The following CCDC7 variants were observed in gnomAD, a reference collection of about 807,000 sequenced individuals.
The protein encoded by CCDC7 is coiled-coil domain containing 7.
Under a neutral mutation model 196.9 loss-of-function variants are expected in CCDC7, and 183 were observed. The ratio of observed to expected loss-of-function variants is 0.93; its 90% confidence interval spans 0.82 to 1.05. The LOEUF (loss-of-function observed/expected upper bound fraction) is 1.05. CCDC7 is among the 50% of genes least tolerant of loss of function. The pLI, the probability that CCDC7 is intolerant of heterozygous loss-of-function variation, is 0.00. For missense variants in CCDC7, 1,540 were observed against 1,482.2 expected, an observed-to-expected ratio of 1.04 and a Z score of -0.64; for synonymous variants, 525 against 484.6, an observed-to-expected ratio of 1.08 and a Z score of -1.10.
At chr10:32,620,861 A>G (rs11818482) in intron 18 of CCDC7, among the ~76,000 whole-genome samples, 8,056 of 152,220 alleles carry the variant, frequency 0.053, 708 homozygotes, top group African/African-American at 0.18. Context: ...AGGATACTGT[A>G]TTCCTTCACG....
At chr10:32,492,048 A>G (rs369892465) in intron 9 of CCDC7, 51 bp downstream of exon 10, 2 of 1,476,064 alleles carry the variant, frequency 1.4e-6, no homozygotes, top group African/African-American at 1.5e-5. Context: ...TTAAAAAAAG[A>G]CAGATAAAAT....
At chr10:32,600,010 A>G (rs975092913) in intron 18 of CCDC7, among the ~76,000 whole-genome samples, 5 of 151,964 alleles carry the variant, frequency 3.3e-5, no homozygotes, top group African/African-American at 9.7e-5. Context: ...TGGTCTATCT[A>G]CTTTTATGCC....
intron 20 of CCDC7, among the ~76,000 whole-genome samples, chr10:32,647,313 C>T (rs1397964266): frequency 6.6e-6 from 1 of 152,100 alleles, no homozygotes; most frequent in Non-Finnish European, 1.5e-5. Flanking sequence ...TTGAGACCAG[C>T]CTGGCCAACA....
At chr10:32,707,894 G>A (rs1249325696) in intron 24 of CCDC7, among the ~76,000 whole-genome samples, 1 of 152,150 alleles carries the variant, frequency 6.6e-6, no homozygotes, top group Non-Finnish European at 1.5e-5. Context: ...TGGCCATACT[G>A]CCCAAGGTAA....
chr10:32,471,969 A>G (rs1406762189), intron 6 of CCDC7, among the ~76,000 whole-genome samples: 4 of 152,166 alleles, frequency 2.6e-5, no homozygotes, highest in African/African-American at 9.6e-5. Flanking sequence ...TTACATGTAT[A>G]ATCTTTGATT....
chr10:32,732,742 C>T (rs754794159), intron 28 of CCDC7, among the ~76,000 whole-genome samples: 10 of 152,084 alleles, frequency 6.6e-5, no homozygotes, highest in Admixed American at 2.0e-4. Flanking sequence ...TCATATACCA[C>T]CTTCCCCCAC....
At chr10:32,722,337 C>G (rs1395065645) in intron 25 of CCDC7, among the ~76,000 whole-genome samples, 1 of 152,136 alleles carries the variant, frequency 6.6e-6, no homozygotes, top group South Asian at 2.1e-4. Context: ...CCAGTGGGAC[C>G]CATGCATACT....
rs370056412 is a variant in CCDC7, at chr10:32,543,411, CT to C, written c.1079+33del. The C allele has an allele frequency of 1.4e-4, 180 of 1,285,286 alleles. 1 individual carries two copies. The African/African-American group carries it at 2.2e-3, about 16-fold the overall frequency. The allele number at this position is 1,285,286 out of a possible 1,614,324, so 79.6% of individuals were successfully genotyped here. A position where few individuals can be genotyped will look rare whatever the true frequency, so the allele number is the denominator to read the frequency against. On this transcript the variant is annotated intron_variant, in intron 12 of 41. Coordinates refer to ENST00000639629, the Ensembl canonical transcript of CCDC7. Reference sequence around the variant, plus strand: ...GTAAGACATAAAGATACATGTTAATCTTTTTTTCCTTGTTAATTTATATTTT... The same window carrying C: ...GTAAGACATAAAGATACATGTTAATCTTTTTTCCTTGTTAATTTATATTTT...
intron 31 of CCDC7, 81 bp from the exon 33 acceptor site, chr10:32,824,437 T>C: frequency 1.3e-6 from 1 of 761,912 alleles, no homozygotes. Flanking sequence ...ATATTAATTA[T>C]GATAGTATTA....
chr10:32,519,986 C>T (rs2047637693), intron 11 of CCDC7, among the ~76,000 whole-genome samples: 1 of 152,056 alleles, frequency 6.6e-6, no homozygotes, highest in Non-Finnish European at 1.5e-5. Context: ...TCTTTCTATG[C>T]CTGGCCTATT....
At chr10:32,609,763 C>T (rs1445168200) in intron 18 of CCDC7, among the ~76,000 whole-genome samples, 1 of 152,148 alleles carries the variant, frequency 6.6e-6, no homozygotes, top group Non-Finnish European at 1.5e-5. Flanking sequence ...TGAGTTCTCG[C>T]AAGATCTGGT....
chr10:32,480,316 C>A (rs1181439557), intron 8 of CCDC7, among the ~76,000 whole-genome samples: 1 of 151,190 alleles, frequency 6.6e-6, no homozygotes, highest in Admixed American at 6.6e-5. Flanking sequence ...TTAATGTATA[C>A]TTTATTTATT....
intron 8 of CCDC7, among the ~76,000 whole-genome samples, chr10:32,486,307 C>T (rs1357169224): frequency 6.6e-6 from 1 of 151,666 alleles, no homozygotes; most frequent in Non-Finnish European, 1.5e-5. Context: ...TTATCAGAGA[C>T]TAGGATTGCA....
intron 18 of CCDC7, among the ~76,000 whole-genome samples, chr10:32,631,279 T>C (rs1248432006): frequency 6.6e-6 from 1 of 152,212 alleles, no homozygotes; most frequent in Non-Finnish European, 1.5e-5. Context: ...TAAAGGGTTT[T>C]ATAGTTTTAA....
At chr10:32,765,669 T>C (rs1388787641) in intron 28 of CCDC7, among the ~76,000 whole-genome samples, 1 of 151,934 alleles carries the variant, frequency 6.6e-6, no homozygotes, top group African/African-American at 2.4e-5. Context: ...AATGTAGAGG[T>C]TGTGATTTCA....
At chr10:32,840,401 G>A (rs896623344) in intron 33 of CCDC7, among the ~76,000 whole-genome samples, 7 of 151,956 alleles carry the variant, frequency 4.6e-5, no homozygotes, top group Non-Finnish European at 7.4e-5. Flanking sequence ...AGAAAACCTA[G>A]AGGAGATGAA....
At chr10:32,828,458 AGAAGAAGAG>A (rs879595676) in intron 32 of CCDC7, among the ~76,000 whole-genome samples, 4,499 of 95,980 alleles carry the variant, frequency 0.047, 911 homozygotes, top group Non-Finnish European at 0.07. Flanking sequence ...AAGAAGAAGA[AGAAGAAGAG>A]GAAGAGGAAG....
chr10:32,861,445 G>A (rs1206255146), intron 41 of CCDC7, among the ~76,000 whole-genome samples: 5 of 152,032 alleles, frequency 3.3e-5, no homozygotes, highest in Non-Finnish European at 5.9e-5. Flanking sequence ...AGACTTAAAC[G>A]TAAGACCTAA....
At chr10:32,612,611 A>C (rs1392108722) in intron 18 of CCDC7, among the ~76,000 whole-genome samples, 4 of 152,032 alleles carry the variant, frequency 2.6e-5, no homozygotes, top group Non-Finnish European at 5.9e-5. Flanking sequence ...CTAGTTTATT[A>C]GTGTTTTTAG....
Sources: gnomAD v4.1 joint callset for allele counts (sites outside exome capture counted in the v4.1 genomes callset) on GRCh38, gnomAD v4.1.1 for gene constraint, MANE v1.5 for transcripts, NCBI Gene and HGNC (gene_info 2026-07-23, HGNC 2026-07-21) for gene names.